The following ACCSL variants were observed in gnomAD, a reference collection of about 807,000 sequenced individuals.
ACCSL encodes 1-aminocyclopropane-1-carboxylate synthase homolog (inactive) like, also known as probable inactive 1-aminocyclopropane-1-carboxylate synthase-like protein 2.
Under a neutral mutation model 61.7 loss-of-function variants are expected in ACCSL, and 55 were observed. The ratio of observed to expected loss-of-function variants is 0.89; its 90% CI spans 0.72 to 1.12. The LOEUF (loss-of-function observed/expected upper bound fraction) is 1.12. ACCSL is among the 50% of genes most tolerant of loss of function. ACCSL has a pLI of 0.00. For missense variants in ACCSL, 632 were observed against 698.0 expected (o/e 0.91, Z 1.07); for synonymous variants, 258 against 264.3 (o/e 0.98, Z 0.23).
chr11:43,942,953 G>C, the ACCSL span: 2 of 1,475,640 alleles, frequency 1.4e-6, no homozygotes, highest in Admixed American at 4.9e-5. Flanking sequence ...CAGTTACCAG[G>C]CGGTGATGCC....
intron 11 of ACCSL, 66 bp from the exon 12 acceptor site, chr11:44,058,251 G>C: frequency 1.3e-6 from 2 of 1,549,288 alleles, no homozygotes; most frequent in Non-Finnish European, 8.9e-7. Context: ...GGGAGCATTT[G>C]GGAAGGAACT....
chr11:43,937,395 A>G, the ACCSL span, among the ~76,000 whole-genome samples: 1 of 152,206 alleles, frequency 6.6e-6, no homozygotes, highest in Admixed American at 6.5e-5. Context: ...TCAAGGAGGT[A>G]ACATCTGAGC....
the ACCSL span, among the ~76,000 whole-genome samples, chr11:43,927,622 T>G: frequency 6.6e-6 from 1 of 152,240 alleles, no homozygotes; most frequent in Admixed American, 6.5e-5. Flanking sequence ...TCTGATTGTT[T>G]CTTAGAATAA....
At chr11:44,003,543 T>C in the ACCSL span, among the ~76,000 whole-genome samples, 1 of 151,200 alleles carries the variant, frequency 6.6e-6, no homozygotes, top group Admixed American at 6.6e-5. Context: ...ATCGGGAGGC[T>C]GAGGCAGGTG....
chr11:44,002,650 C>A, the ACCSL span, among the ~76,000 whole-genome samples: 2 of 151,992 alleles, frequency 1.3e-5, no homozygotes, highest in African/African-American at 2.4e-5. Flanking sequence ...ACTTTGAGGC[C>A]CTAGTTGGCA....
At chr11:43,983,276 C>T in the ACCSL span, among the ~76,000 whole-genome samples, 5 of 152,172 alleles carry the variant, frequency 3.3e-5, no homozygotes, top group East Asian at 3.9e-4. Flanking sequence ...GTCGATTACT[C>T]GGAATTAATT....
At chr11:44,030,821 G>A in the ACCSL span, among the ~76,000 whole-genome samples, 2 of 152,180 alleles carry the variant, frequency 1.3e-5, no homozygotes, top group Non-Finnish European at 2.9e-5. Context: ...GGAGGCTGGG[G>A]TGGGAGTCAA....
At chr11:43,945,914 C>T in the ACCSL span, among the ~76,000 whole-genome samples, 1 of 152,128 alleles carries the variant, frequency 6.6e-6, no homozygotes, top group African/African-American at 2.4e-5. Context: ...CCTGAAGGGT[C>T]TCCTTGGGTT....
chr11:44,000,978 A>G, the ACCSL span: 1 of 152,174 alleles, frequency 6.6e-6, no homozygotes, highest in African/African-American at 2.4e-5. Context: ...CTGGGATTCA[A>G]ACCCAGGCAA....
the ACCSL span, among the ~76,000 whole-genome samples, chr11:43,997,935 G>T: frequency 6.6e-6 from 1 of 152,200 alleles, no homozygotes; most frequent in African/African-American, 2.4e-5. Flanking sequence ...GGAAACAGGT[G>T]CTGGCCTAGC....
At chr11:43,995,909 C>T in the ACCSL span, among the ~76,000 whole-genome samples, 1 of 152,192 alleles carries the variant, frequency 6.6e-6, no homozygotes, top group Non-Finnish European at 1.5e-5. Context: ...GTGAATGCCA[C>T]CTCGATTTGA....
the ACCSL span, among the ~76,000 whole-genome samples, chr11:43,972,580 G>T: frequency 6.6e-6 from 1 of 152,124 alleles, no homozygotes; most frequent in Non-Finnish European, 1.5e-5. Flanking sequence ...ACCTTTCTGT[G>T]AAGACACTCA....
the ACCSL span, chr11:43,933,411 G>A: frequency 1.9e-4 from 53 of 276,136 alleles, no homozygotes; most frequent in South Asian, 1.5e-3. Flanking sequence ...CTGCCTTGCC[G>A]CTGGCTGTGT....
At chr11:43,981,068 A>T in the ACCSL span, among the ~76,000 whole-genome samples, 1 of 151,772 alleles carries the variant, frequency 6.6e-6, no homozygotes, top group Admixed American at 6.6e-5. Context: ...GGGAGCAGTA[A>T]GGGGATGGGG....
At chr11:44,006,724 C>G in the ACCSL span, among the ~76,000 whole-genome samples, 1 of 151,856 alleles carries the variant, frequency 6.6e-6, no homozygotes, top group Non-Finnish European at 1.5e-5. Context: ...CGGCTGGTCT[C>G]GAACTCCTGA....
the ACCSL span, among the ~76,000 whole-genome samples, chr11:43,930,059 C>A: frequency 6.6e-6 from 1 of 152,126 alleles, no homozygotes; most frequent in Non-Finnish European, 1.5e-5. Flanking sequence ...AGGAGCAGCC[C>A]TGAGAGGAAG....
chr11:43,947,389 G>A, the ACCSL span, among the ~76,000 whole-genome samples: 1 of 152,304 alleles, frequency 6.6e-6, no homozygotes, highest in East Asian at 1.9e-4. Context: ...GTCCTACCAG[G>A]CCCCTATGCA....
chr11:43,935,659 A>T, the ACCSL span, among the ~76,000 whole-genome samples: 2 of 151,984 alleles, frequency 1.3e-5, no homozygotes, highest in African/African-American at 4.8e-5. Context: ...TTTATTTTTT[A>T]TTTTTTTTAG....
the ACCSL span, among the ~76,000 whole-genome samples, chr11:44,040,991 C>A: frequency 6.6e-6 from 1 of 152,172 alleles, no homozygotes; most frequent in South Asian, 2.1e-4. Context: ...TGTTTTCTCA[C>A]CTGTAAAGTG....
Sources: gnomAD v4.1 joint callset for allele counts (sites outside exome capture counted in the v4.1 genomes callset) on GRCh38, gnomAD v4.1.1 for gene constraint, MANE v1.5 for transcripts, NCBI Gene and HGNC (gene_info 2026-07-23, HGNC 2026-07-21) for gene names.